Variants in GFRA2 observed in about 807,000 individuals in gnomAD.
GFRA2 encodes the protein GDNF family receptor alpha 2.
Under a neutral mutation model 48.3 loss-of-function variants are expected in GFRA2, and 17 were observed. The ratio of observed to expected loss-of-function variants is 0.35; its 90% CI spans 0.24 to 0.53. The LOEUF (loss-of-function observed/expected upper bound fraction) is 0.53. GFRA2 is among the 20% of genes least tolerant of loss of function. GFRA2 has a pLI of 0.93. For synonymous variants in GFRA2, 305 were observed against 257.2 expected (o/e 1.19, Z -1.78); for missense variants, 660 against 637.3 (o/e 1.04, Z -0.38).
At chr8:21,808,280 T>C (rs1807909134) in intron 1 of GFRA2, among the ~76,000 whole-genome samples, 1 of 152,158 alleles carries the variant, frequency 6.6e-6, no homozygotes, top group Non-Finnish European at 1.5e-5. Context: ...GGCTCCCAAA[T>C]CCTAATGGCT....
At chr8:21,734,554 T>A (rs139118598) in intron 4 of GFRA2, among the ~76,000 whole-genome samples, 1 of 152,382 alleles carries the variant, frequency 6.6e-6, no homozygotes, top group East Asian at 1.9e-4. Flanking sequence ...TCCATTCTTT[T>A]TCATAATGAA....
In GFRA2 at chr8:21,788,453, G is replaced by A. The variant is rs1340112566; in HGVS notation, c.-294C>T. On this transcript the variant is annotated 5_prime_UTR_variant, in exon 1 of 9. Transcript: ENST00000524240. Reference sequence around the variant, plus strand: ...TTTCTAAGCCAACAGCCCAGTCCTGGGGTCAGCCCTCCCCTCCAATCGTCC... The same window carrying A: ...TTTCTAAGCCAACAGCCCAGTCCTGAGGTCAGCCCTCCCCTCCAATCGTCC... 1.7e-6 allele frequency: 2 copies of A among 1,151,734 alleles called. No individual in the cohort carries two copies. The highest frequency in any genetic ancestry group is 3.2e-5 in the African/African-American group (2 of 61,896). 71.3% of individuals were successfully genotyped at this position (1,151,734 alleles called of 1,614,324 possible).
intron 3 of GFRA2, among the ~76,000 whole-genome samples, chr8:21,769,434 G>A (rs1192825547): frequency 6.6e-6 from 1 of 152,342 alleles, no homozygotes; most frequent in Non-Finnish European, 1.5e-5. Flanking sequence ...CCCTTCACCA[G>A]CACCTAGGGT....
chr8:21,755,508 C>A (rs1411236739), intron 3 of GFRA2, among the ~76,000 whole-genome samples: 1 of 152,220 alleles, frequency 6.6e-6, no homozygotes, highest in Non-Finnish European at 1.5e-5. Flanking sequence ...GTGCCAGGCA[C>A]TTCCCCAGAC....
Position 21,780,021 on chromosome 8 carries a change from G to A in GFRA2, c.355+2564C>T, listed in dbSNP as rs1018820838. On this transcript the variant is annotated intron_variant, in intron 2 of 8. Coordinates refer to ENST00000524240, the MANE Select transcript of GFRA2 (RefSeq NM_001495.5). ...GGCAACATCGCCATCACTACTGTCC[G>A]ATGTTAGATTTTAAACTGCTCGATC... Among the ~76,000 whole-genome samples the A allele has an allele frequency of 1.2e-4, 18 of 150,306 alleles. No homozygotes were observed. In the East Asian group the frequency reaches 2.5e-3, roughly 21 times the overall value.
chr8:21,752,258 C>T (rs1805329678), intron 3 of GFRA2, among the ~76,000 whole-genome samples: 2 of 152,290 alleles, frequency 1.3e-5, no homozygotes, highest in Admixed American at 1.3e-4. Flanking sequence ...AGCAAAACCC[C>T]TCAATCGAGT....
intron 1 of GFRA2, among the ~76,000 whole-genome samples, chr8:21,809,594 T>C (rs1807940091): frequency 6.6e-6 from 1 of 152,190 alleles, no homozygotes; most frequent in African/African-American, 2.4e-5. Context: ...CCCAAAGTGC[T>C]AGGATTACAG....
Position 21,782,657 on chromosome 8 carries a change from A to G in GFRA2, c.283T>C (p.Cys95Arg). The G allele has an allele frequency of 6.3e-7, 1 of 1,585,990 alleles. No individual in the cohort carries two copies. The highest frequency in any genetic ancestry group is 8.6e-7 in the Non-Finnish European group (1 of 1,166,732). The change falls in exon 2 of 9, where the codon TGC becomes CGC. Residue 95 changes from cysteine to arginine, a missense_variant. Cys to Arg is a radical substitution (Grantham distance 180). Transcript: ENST00000524240. ...AGCTCCTTCTTCATGCCCCGCTTGC[A>G]GCGGCAGTCGTACAGCGGGCTCTCC... The part of the protein sequence containing the change: ...LQESPLYDCR[C>R]KRGMKKELQC...
chr8:21,736,614 G>A (rs1329742713), intron 4 of GFRA2, among the ~76,000 whole-genome samples: 1 of 151,944 alleles, frequency 6.6e-6, no homozygotes, highest in Non-Finnish European at 1.5e-5. Context: ...TTCCATCTCA[G>A]CCTCTCAAGT....
chr8:21,693,244 G>A lies in GFRA2; in HGVS notation c.*34C>T, dbSNP rs1312075106. The stretch of plus-strand genomic sequence containing the variant: ...TCAGGCGGCTGTTCTTGTCTGCGTA[G>A]CTTTCAAAAATATTCTGACTCGGTT... On this transcript the variant is annotated 3_prime_UTR_variant, in exon 9 of 9. Transcript: ENST00000524240. 4 of 1,592,020 alleles carry A rather than the reference G, an allele frequency of 2.5e-6. No individual in the cohort carries two copies. The African/African-American group carries it at 5.4e-5, about 21-fold the overall frequency.
intron 2 of GFRA2, 25 bp downstream of exon 2, chr8:21,782,560 T>C: frequency 6.5e-7 from 1 of 1,532,904 alleles, no homozygotes; most frequent in Non-Finnish European, 8.8e-7. Context: ...CCCCCTCCCC[T>C]TGGGCAAGCC....
At chr8:21,801,674 G>C (rs1457426902) in intron 2 of GFRA2, among the ~76,000 whole-genome samples, 1 of 152,038 alleles carries the variant, frequency 6.6e-6, no homozygotes. Flanking sequence ...TAAAGGAAGT[G>C]GGTTTTTAGA....
chr8:21,722,752 C>T (rs941098939), intron 4 of GFRA2, among the ~76,000 whole-genome samples: 22 of 152,346 alleles, frequency 1.4e-4, no homozygotes, highest in Middle Eastern at 6.8e-3. Flanking sequence ...TATGGGTCCT[C>T]TCTATTTCTA....
chr8:21,748,004 G>A (rs1174049109), intron 4 of GFRA2, among the ~76,000 whole-genome samples: 4 of 151,764 alleles, frequency 2.6e-5, no homozygotes, highest in Non-Finnish European at 5.9e-5. Flanking sequence ...TGCCTCCACC[G>A]TTCGCTCCAA....
chr8:21,783,810 A>G (rs35982266), intron 1 of GFRA2, among the ~76,000 whole-genome samples: 27,896 of 151,122 alleles, frequency 0.18, 2,977 homozygotes, highest in East Asian at 0.25. Flanking sequence ...CTCTGCTTGC[A>G]CCTGGCTATA....
chr8:21,751,696 G>C (rs904691955), intron 3 of GFRA2, among the ~76,000 whole-genome samples: 1 of 152,198 alleles, frequency 6.6e-6, no homozygotes, highest in Non-Finnish European at 1.5e-5. Context: ...AAGGACTTGG[G>C]GTGAGGAGGT....
At chr8:21,751,010 C>T (rs558357294) in intron 3 of GFRA2, 68 bp from the exon 4 acceptor site, 2 of 1,028,402 alleles carry the variant, frequency 1.9e-6, no homozygotes, top group African/African-American at 3.2e-5. Context: ...TGCCCCCTCA[C>T]TGGAAGATGT....
intron 4 of GFRA2, among the ~76,000 whole-genome samples, chr8:21,711,688 C>CTT (rs1198915473): frequency 9.8e-5 from 13 of 132,592 alleles, no homozygotes; most frequent in African/African-American, 2.4e-4. Context: ...AACAGTTTTT[C>CTT]TTTTTTTTTT....
intron 4 of GFRA2, among the ~76,000 whole-genome samples, chr8:21,730,250 C>G (rs538579122): frequency 1.3e-5 from 2 of 151,942 alleles, no homozygotes; most frequent in South Asian, 4.2e-4. Context: ...ACTAAAAATA[C>G]GAAATAAGCC....
Sources: allele counts gnomAD v4.1 joint callset (sites outside exome capture counted in the v4.1 genomes callset), GRCh38; gene constraint gnomAD v4.1.1; transcripts MANE v1.5; gene names NCBI Gene and HGNC (gene_info 2026-07-23, HGNC 2026-07-21).